Variants in ABLIM2 observed in about 807,000 individuals in gnomAD.
ABLIM2 encodes actin binding LIM protein family member 2, also known as actin-binding LIM protein 2.
In ABLIM2, 53 loss-of-function variants were observed where a neutral mutation model predicts 97.7. The observed-to-expected ratio is 0.54, with a 90% CI of 0.44 to 0.68. ABLIM2 has a LOEUF of 0.68. Among genes scored for constraint, ABLIM2 ranks in the 30% least tolerant of loss-of-function variants. The probability of loss-of-function intolerance (pLI) is 0.00; values close to 1 mark genes in which losing one functional copy is unlikely to be tolerated. For missense variants in ABLIM2, 835 were observed against 867.2 expected, an observed-to-expected ratio of 0.96 and a Z score of 0.47; for synonymous variants, 361 against 345.8, an observed-to-expected ratio of 1.04 and a Z score of -0.49.
At position 8,022,509 on chromosome 4, in the gene ABLIM2, C is replaced by T. The variant is rs531722930; in HGVS notation, c.1268-2206G>A. Among the ~76,000 whole-genome samples the T allele has an allele frequency of 3.9e-5, 6 of 152,346 alleles. No individual in the cohort carries two copies. Among genetic ancestry groups the T allele is most frequent in the African/African-American group, 1.4e-4 (6 of 41,572 alleles). Reference sequence around the variant, plus strand: ...GCCATGTTGGCCCACCTCATTCTGGCCCCCCAGGGCCCTCTAACACCAGCC... The same window carrying T: ...GCCATGTTGGCCCACCTCATTCTGGTCCCCCAGGGCCCTCTAACACCAGCC... On this transcript the variant is annotated intron_variant, in intron 12 of 20. Coordinates refer to ENST00000447017, the MANE Select transcript of ABLIM2 (RefSeq NM_001130083.2). This position sits in a 1 kb window ranked among gnomAD's most constrained non-coding sequence, Gnocchi z 7.8.
chr4:8,143,210 T>C (rs1851300425), intron 1 of ABLIM2, among the ~76,000 whole-genome samples: 1 of 148,388 alleles, frequency 6.7e-6, no homozygotes, highest in Non-Finnish European at 1.5e-5. Context: ...CCCAGCTCTA[T>C]CACAGCGTCC....
Position 8,022,410 on chromosome 4 carries a change from G to A in ABLIM2, c.1268-2107C>T, listed in dbSNP as rs1378532050. On this transcript the variant is annotated intron_variant, in intron 12 of 20. Coordinates refer to ENST00000447017, the MANE Select transcript of ABLIM2 (RefSeq NM_001130083.2). The surrounding 1 kb of genome is among the most constrained non-coding windows in gnomAD (Gnocchi z 7.8). ...TGGACACATGTGCACGTCTATTTGA[G>A]GAGGGTCCGGAGACTCATCAGCTTT... Among the ~76,000 whole-genome samples the A allele has an allele frequency of 5.3e-5, 8 of 152,208 alleles. No individual in the cohort carries two copies. The highest frequency in any genetic ancestry group is 1.9e-4 in the African/African-American group (8 of 41,470).
At chr4:8,064,748 A>G (rs1261235295) in intron 6 of ABLIM2, among the ~76,000 whole-genome samples, 1 of 152,098 alleles carries the variant, frequency 6.6e-6, no homozygotes, top group Non-Finnish European at 1.5e-5. Context: ...CTACCTGGCT[A>G]GGGTGCCCTT....
rs572554529 is a variant in ABLIM2, at chr4:7,998,722, G to A, written c.1619-5795C>T. ...CTGGGCCACCTCCTGCCACTGCATG[G>A]GAGGCTGGGAGTCTGCTGGCCTGGG... On this transcript the variant is annotated intron_variant, in intron 16 of 20. Transcript: ENST00000447017. The surrounding 1 kb of genome is among the most constrained non-coding windows in gnomAD (Gnocchi z 6.4). 6.2e-6 allele frequency: 3 copies of A among 487,096 alleles called. No individual in the cohort carries two copies. The highest frequency in any genetic ancestry group is 1.5e-5 in the South Asian group (1 of 67,000). 30.2% of individuals were successfully genotyped at this position (487,096 alleles called of 1,614,324 possible). A position where few individuals can be genotyped will look rare whatever the true frequency, so the allele number is the denominator to read the frequency against.
chr4:8,071,693 A>AACCCCCCCC lies in ABLIM2; in HGVS notation c.675+5934_675+5935insGGGGGGGGT. 1.5e-5 allele frequency: 12 copies of AACCCCCCCC among 819,818 alleles called. No homozygotes were observed. Among genetic ancestry groups the AACCCCCCCC allele is most frequent in the Non-Finnish European group, 1.8e-5 (12 of 679,280 alleles). The allele number at this position is 819,818 out of a possible 1,614,324, so 50.8% of individuals were successfully genotyped here. The stretch of plus-strand genomic sequence containing the variant: ...ACACCTGACTGCTCTGTCCCCAAAA[A>AACCCCCCCC]CCCACCCACCCGCAGCCCCTCCTGG... On this transcript the variant is annotated intron_variant, in intron 6 of 20. Transcript: ENST00000447017. This position sits in a 1 kb window ranked among gnomAD's most constrained non-coding sequence, Gnocchi z 6.2.
In ABLIM2 at chr4:8,128,767, G is replaced by A. The variant is rs1320161921; in HGVS notation, c.11-22130C>T. On this transcript the variant is annotated intron_variant, in intron 1 of 20. Transcript: ENST00000447017. The surrounding 1 kb of genome is among the most constrained non-coding windows in gnomAD (Gnocchi z 4.9). ...CCTTTGGGAGGAATTAGGTCTTGCAGGTGGAGCCCTCATCATGGGATGAGT... is the reference window on the plus strand; with the variant it reads ...CCTTTGGGAGGAATTAGGTCTTGCAAGTGGAGCCCTCATCATGGGATGAGT... Among the ~76,000 whole-genome samples, 1 of 152,148 alleles carries A rather than the reference G, an allele frequency of 6.6e-6. No homozygotes were observed. Among genetic ancestry groups the A allele is most frequent in the Non-Finnish European group, 1.5e-5 (1 of 68,030 alleles).
chr4:8,121,713 G>A (rs190610423), intron 1 of ABLIM2, among the ~76,000 whole-genome samples: 136 of 152,322 alleles, frequency 8.9e-4, no homozygotes, highest in African/African-American at 3.2e-3. Context: ...GGCCTTCAGC[G>A]TACAGCAGAT....
chr4:8,114,635 C>T lies in ABLIM2; in HGVS notation c.11-7998G>A, dbSNP rs905487029. Reference sequence around the variant, plus strand: ...AACCGAGGACGCTGCTCTCTGGAGCCGGCCCCATTCTCACCACGGCCATCA... The same window carrying T: ...AACCGAGGACGCTGCTCTCTGGAGCTGGCCCCATTCTCACCACGGCCATCA... On this transcript the variant is annotated intron_variant, in intron 1 of 20. Coordinates refer to ENST00000447017, the MANE Select transcript of ABLIM2 (RefSeq NM_001130083.2). 4.3e-4 allele frequency among the ~76,000 whole-genome samples: 66 copies of T among 152,306 alleles called. 1 individual carries two copies. Among genetic ancestry groups the T allele is most frequent in the Admixed American group, 5.9e-4 (9 of 15,306 alleles).
At chr4:8,052,492 A>G (rs968304714) in intron 8 of ABLIM2, among the ~76,000 whole-genome samples, 2 of 152,254 alleles carry the variant, frequency 1.3e-5, no homozygotes, top group African/African-American at 4.8e-5. Flanking sequence ...GGCCAAGCTC[A>G]CAGCGGGATT....
chr4:7,973,717 A>T (rs1255930941), intron 20 of ABLIM2, among the ~76,000 whole-genome samples: 2 of 152,212 alleles, frequency 1.3e-5, no homozygotes, highest in African/African-American at 4.8e-5. Flanking sequence ...CCAAGCAAGC[A>T]GAAAGGTCTC....
chr4:8,120,485 T>G lies in ABLIM2; in HGVS notation c.11-13848A>C, dbSNP rs2152863801. 6.6e-6 allele frequency among the ~76,000 whole-genome samples: 1 copy of G among 151,882 alleles called. No individual in the cohort carries two copies. Among genetic ancestry groups the G allele is most frequent in the East Asian group, 1.9e-4 (1 of 5,166 alleles). On this transcript the variant is annotated intron_variant, in intron 1 of 20. Coordinates refer to ENST00000447017, the MANE Select transcript of ABLIM2 (RefSeq NM_001130083.2). This position sits in a 1 kb window ranked among gnomAD's most constrained non-coding sequence, Gnocchi z 5.6. ...ATGGGAAACCAGAGGGAACCCAACA[T>G]GAAGACGCGGGAGAAGATGGCGACT...
chr4:7,987,929 G>C (rs1358872142), intron 17 of ABLIM2, among the ~76,000 whole-genome samples: 1 of 152,172 alleles, frequency 6.6e-6, no homozygotes, highest in African/African-American at 2.4e-5. Flanking sequence ...AGCACTGCCT[G>C]GCATATTCCT....
chr4:8,151,659 G>A (rs1446010518), intron 1 of ABLIM2, among the ~76,000 whole-genome samples: 1 of 152,156 alleles, frequency 6.6e-6, no homozygotes, highest in African/African-American at 2.4e-5. Context: ...GAAGAAAGCA[G>A]GGTTGTACCC....
In ABLIM2 at chr4:8,058,532, G is replaced by A. The variant is rs1336603921; in HGVS notation, c.763+2435C>T. Among the ~76,000 whole-genome samples, 1 of 152,228 alleles carries A rather than the reference G, an allele frequency of 6.6e-6. No homozygotes were observed. The highest frequency in any genetic ancestry group is 1.5e-5 in the Non-Finnish European group (1 of 68,046). On this transcript the variant is annotated intron_variant, in intron 7 of 20. Transcript: ENST00000447017. This position sits in a 1 kb window ranked among gnomAD's most constrained non-coding sequence, Gnocchi z 4.2. Reference sequence around the variant, plus strand: ...GGTGACAGAGAATCTTCAAAAGGGAGCTGTGGCTAAAGAGATGAAGTCACA... The same window carrying A: ...GGTGACAGAGAATCTTCAAAAGGGAACTGTGGCTAAAGAGATGAAGTCACA...
intron 8 of ABLIM2, among the ~76,000 whole-genome samples, chr4:8,050,075 G>A (rs929286287): frequency 2.0e-5 from 3 of 152,158 alleles, no homozygotes; most frequent in African/African-American, 7.2e-5. Context: ...CTCCTGCTTT[G>A]AGTTGTCCCA....
chr4:8,084,105 C>A (rs565785028), intron 4 of ABLIM2, among the ~76,000 whole-genome samples: 1 of 152,156 alleles, frequency 6.6e-6, no homozygotes, highest in African/African-American at 2.4e-5. Context: ...GGACTCTGAC[C>A]GAGCTCCAAA....
At chr4:7,971,784 G>A (rs539030590) in intron 20 of ABLIM2, among the ~76,000 whole-genome samples, 1 of 152,218 alleles carries the variant, frequency 6.6e-6, no homozygotes, top group Admixed American at 6.5e-5. Flanking sequence ...ACCAAGCTCA[G>A]AGGTACCCCT....
At chr4:7,997,263 G>A (rs1331027249) in intron 16 of ABLIM2, among the ~76,000 whole-genome samples, 1 of 152,074 alleles carries the variant, frequency 6.6e-6, no homozygotes, top group African/African-American at 2.4e-5. Context: ...GTAGAGACAG[G>A]GTTTCACCAT....
rs765941699 is a variant in ABLIM2 at position 8,155,108 on chromosome 4, G to C, written c.10+3572C>G. Among the ~76,000 whole-genome samples, 1 of 152,174 alleles carries C rather than the reference G, an allele frequency of 6.6e-6. No individual in the cohort carries two copies. Among genetic ancestry groups the C allele is most frequent in the Non-Finnish European group, 1.5e-5 (1 of 68,038 alleles). On this transcript the variant is annotated intron_variant, in intron 1 of 20. Coordinates refer to ENST00000447017, the MANE Select transcript of ABLIM2 (RefSeq NM_001130083.2). This position sits in a 1 kb window ranked among gnomAD's most constrained non-coding sequence, Gnocchi z 4.2. ...TACAACTCAAGGTAAGATGTGGGTG[G>C]GGACACAGCCAGACCGTATCAGCTC...
Sources: allele counts gnomAD v4.1 joint callset (sites outside exome capture counted in the v4.1 genomes callset), GRCh38; gene constraint gnomAD v4.1.1; non-coding constraint Gnocchi (gnomAD v3.1); transcripts MANE v1.5; gene names NCBI Gene and HGNC (gene_info 2026-07-23, HGNC 2026-07-21).